Variants in AK6 observed in about 807,000 individuals in gnomAD.
AK6 encodes adenylate kinase 6.
Under a neutral mutation model 23.7 loss-of-function variants are expected in AK6, and 24 were observed. The observed-to-expected ratio is 1.01, with a 90% CI of 0.73 to 1.43. The LOEUF (loss-of-function observed/expected upper bound fraction) is 1.43, where lower values mean the gene tolerates loss of function less well. Among genes scored for constraint, AK6 ranks in the 40% most tolerant of loss-of-function variants. AK6 has a pLI of 0.00. For missense variants in AK6, 191 were observed against 199.1 expected (o/e 0.96, Z 0.24); for synonymous variants, 73 against 69.8 (o/e 1.05, Z -0.23).
In AK6 at chr5:69,351,032, AG is replaced by A. The variant is rs1311448815; in HGVS notation, c.*1028del. The A allele has an allele frequency of 6.6e-6, 1 of 152,276 alleles. No individual in the cohort carries two copies. Among genetic ancestry groups the A allele is most frequent in the Admixed American group, 6.5e-5 (1 of 15,276 alleles). The allele number at this position is 152,276 out of a possible 1,614,324, so 9.4% of individuals were successfully genotyped here. A position where few individuals can be genotyped will look rare whatever the true frequency, so the allele number is the denominator to read the frequency against. Reference sequence around the variant, plus strand: ...AAATATCCAGAATATGCAAATCCATAGAGACAGAAAGTAGACTAGTGACTGC... The same window carrying A: ...AAATATCCAGAATATGCAAATCCATAAGACAGAAAGTAGACTAGTGACTGC... On this transcript the variant is annotated 3_prime_UTR_variant, in exon 5 of 5. Transcript: ENST00000380822.
rs533641739 is a variant in AK6, at chr5:69,366,570, T to C, written c.54A>G (p.Thr18=). ...ATTTTGACGCAAGTTCTTTGCCTAG[T>C]GTGGTTTTTCCAACCCCTGGTGTAC... ...LTGTPGVGKT[T]LGKELASKSG... Residue 18 remains threonine (T), a synonymous_variant, in exon 2 of 5, where the codon ACA becomes ACG. Transcript: ENST00000380822. 20 of 1,614,094 alleles carry C rather than the reference T, an allele frequency of 1.2e-5. No individual in the cohort carries two copies. The South Asian group carries it at 2.0e-4, about 16-fold the overall frequency.
rs7700274 is a variant in AK6, at chr5:69,360,800, C to G, written c.122-4847G>C. 6.1e-3 allele frequency among the ~76,000 whole-genome samples: 923 copies of G among 152,186 alleles called. 5 individuals are homozygous for G. Among genetic ancestry groups the G allele is most frequent in the African/African-American group, 0.021 (874 of 41,512 alleles). On this transcript the variant is annotated intron_variant, in intron 2 of 4. Coordinates refer to ENST00000380822, the MANE Select transcript of AK6 (RefSeq NM_016283.5). Reference sequence around the variant, plus strand: ...AGCATTTTTTCTTTCTGTAAAGGGCCAGGTAATACCTTACGCTTTGCAAGC... The same window carrying G: ...AGCATTTTTTCTTTCTGTAAAGGGCGAGGTAATACCTTACGCTTTGCAAGC...
At chr5:69,369,319 C>G (rs1363034260) in intron 1 of AK6, 144 bp downstream of exon 1, 2 of 856,848 alleles carry the variant, frequency 2.3e-6, no homozygotes, top group East Asian at 3.4e-5. Flanking sequence ...AGGGTCGGCT[C>G]CCGGGGCGCT....
At chr5:69,369,098 T>C (rs1396042135) in intron 1 of AK6, 1 of 377,444 alleles carries the variant, frequency 2.6e-6, no homozygotes, top group African/African-American at 2.1e-5. Flanking sequence ...GGCCTTACGT[T>C]ATTTCGCTAA....
intron 4 of AK6, among the ~76,000 whole-genome samples, chr5:69,354,411 G>A (rs1268871180): frequency 3.9e-5 from 6 of 152,086 alleles, no homozygotes; most frequent in Non-Finnish European, 8.8e-5. Flanking sequence ...TACAAGTATT[G>A]CAAATAATAG....
intron 2 of AK6, among the ~76,000 whole-genome samples, chr5:69,363,522 C>G (rs536440947): frequency 6.6e-6 from 1 of 152,186 alleles, no homozygotes; most frequent in East Asian, 1.9e-4. Context: ...CGGTGGCCCA[C>G]GCCTGTAATC....
At chr5:69,356,782 C>T (rs1455165392) in intron 2 of AK6, among the ~76,000 whole-genome samples, 1 of 152,180 alleles carries the variant, frequency 6.6e-6, no homozygotes, top group Non-Finnish European at 1.5e-5. Flanking sequence ...ATCTTTACTT[C>T]TAGATTTCCA....
intron 1 of AK6, 58 bp downstream of exon 1, chr5:69,369,405 G>A (rs1762746167): frequency 1.3e-6 from 2 of 1,593,720 alleles, no homozygotes; most frequent in Non-Finnish European, 1.7e-6. Context: ...CCGATGCCCA[G>A]AGCACTCTGC....
intron 2 of AK6, among the ~76,000 whole-genome samples, chr5:69,362,134 C>T (rs1171755792): frequency 2.0e-5 from 3 of 151,928 alleles, no homozygotes; most frequent in African/African-American, 7.3e-5. Flanking sequence ...TAGTGAGCAT[C>T]GGAATAAGCC....
chr5:69,357,092 G>A (rs1363821971), intron 2 of AK6, among the ~76,000 whole-genome samples: 2 of 152,160 alleles, frequency 1.3e-5, no homozygotes, highest in African/African-American at 4.8e-5. Context: ...TTTGGTACGG[G>A]TTGAAATGAG....
rs541821738 is a variant in AK6 at position 69,358,195 on chromosome 5, G to A, written c.122-2242C>T. ...GTGGTAATCTTGAATAGATAAACAC[G>A]GAGGTTCCTTCATACTTTAAATCTT... On this transcript the variant is annotated intron_variant, in intron 2 of 4. Transcript: ENST00000380822. Among the ~76,000 whole-genome samples, 9 of 152,062 alleles carry A rather than the reference G, an allele frequency of 5.9e-5. No individual in the cohort carries two copies. In the South Asian group the frequency reaches 1.7e-3, roughly 28 times the overall value.
chr5:69,352,030 A>G lies in AK6; in HGVS notation c.*31T>C. On this transcript the variant is annotated 3_prime_UTR_variant, in exon 5 of 5. Coordinates refer to ENST00000380822, the MANE Select transcript of AK6 (RefSeq NM_016283.5). ...TATGATGTCGGCAGAGATATCAACAAGAGTGATTATTAAGTAGCTAGCCTT... is the reference window on the plus strand; with the variant it reads ...TATGATGTCGGCAGAGATATCAACAGGAGTGATTATTAAGTAGCTAGCCTT... The G allele has an allele frequency of 2.6e-6, 4 of 1,557,896 alleles. No homozygotes were observed. The highest frequency in any genetic ancestry group is 1.2e-5 in the South Asian group (1 of 85,960).
At chr5:69,367,115 G>A (rs753365193) in intron 1 of AK6, among the ~76,000 whole-genome samples, 2 of 152,090 alleles carry the variant, frequency 1.3e-5, no homozygotes, top group Non-Finnish European at 2.9e-5. Flanking sequence ...CTAACTGAAT[G>A]TCAGAATATT....
intron 2 of AK6, among the ~76,000 whole-genome samples, chr5:69,358,381 C>T (rs1368005681): frequency 6.6e-6 from 1 of 151,780 alleles, no homozygotes; most frequent in African/African-American, 2.4e-5. Flanking sequence ...GTTAGCCAGG[C>T]GTGGTGGCGG....
In AK6 at chr5:69,369,240, C is replaced by CCCCCCCCG; in HGVS notation, c.28+222_28+223insCGGGGGGG. ...GACCTCTCTCCACCCCCCCCCGCCC[C>CCCCCCCCG]CCCCCGGAGCCTCAGGCCAACGGAA... On this transcript the variant is annotated intron_variant, in intron 1 of 4. Coordinates refer to ENST00000380822, the MANE Select transcript of AK6 (RefSeq NM_016283.5). 8.8e-6 allele frequency: 2 copies of CCCCCCCCG among 227,000 alleles called. 1 individual carries two copies. Among genetic ancestry groups the CCCCCCCCG allele is most frequent in the Non-Finnish European group, 1.7e-5 (2 of 118,826 alleles). 14.1% of individuals were successfully genotyped at this position (227,000 alleles called of 1,614,324 possible).
In AK6 at chr5:69,352,722, A is replaced by T. The variant is rs374943905; in HGVS notation, c.327-469T>A. The stretch of plus-strand genomic sequence containing the variant: ...GAGATATTACTTCACATCCAGCAGG[A>T]TGACTACAACCAAAATATGAACAAT... On this transcript the variant is annotated intron_variant, in intron 4 of 4. Coordinates refer to ENST00000380822, the MANE Select transcript of AK6 (RefSeq NM_016283.5). 4.4e-4 allele frequency among the ~76,000 whole-genome samples: 67 copies of T among 152,358 alleles called. No homozygotes were observed. In the South Asian group the frequency reaches 0.013, roughly 30 times the overall value.
chr5:69,361,969 C>CTTTTT (rs112797204), intron 2 of AK6, among the ~76,000 whole-genome samples: 4 of 104,830 alleles, frequency 3.8e-5, no homozygotes, highest in Admixed American at 2.2e-4. Flanking sequence ...ACTTGATTCC[C>CTTTTT]TTTTTTTTTT....
chr5:69,365,904 T>C (rs1762402211), intron 2 of AK6: 1 of 499,980 alleles, frequency 2.0e-6, no homozygotes, highest in Non-Finnish European at 3.3e-6. Flanking sequence ...TTAATTTTAA[T>C]GAGGCAACTT....
At chr5:69,369,677 T>G, upstream of AK6, 1 of 1,555,778 alleles carries the variant, frequency 6.4e-7, no homozygotes, top group Non-Finnish European at 8.7e-7. Context: ...ATGACACATT[T>G]CCGTCGCAAA....
Sources: gnomAD v4.1 joint callset for allele counts (sites outside exome capture counted in the v4.1 genomes callset) on GRCh38, gnomAD v4.1.1 for gene constraint, MANE v1.5 for transcripts, NCBI Gene and HGNC (gene_info 2026-07-23, HGNC 2026-07-21) for gene names.